ADAM22: variants seen among roughly 807,000 people sequenced by gnomAD.
ADAM22 encodes ADAM metallopeptidase domain 22.
In ADAM22, 65 loss-of-function variants were observed where a neutral mutation model predicts 144.6. The observed-to-expected ratio is 0.45, with a 90% CI of 0.37 to 0.55. ADAM22 has a LOEUF of 0.55. Ranked by LOEUF, ADAM22 falls within the 20% of genes least tolerant of loss-of-function variation. The probability of loss-of-function intolerance (pLI) is 0.00; values close to 1 mark genes in which losing one functional copy is unlikely to be tolerated. For missense variants in ADAM22, 974 were observed against 1,184.9 expected, an observed-to-expected ratio of 0.82 and a Z score of 2.61; for synonymous variants, 391 against 412.6, an observed-to-expected ratio of 0.95 and a Z score of 0.63.
chr7:88,161,901 A>T (rs1169902392), intron 22 of ADAM22, among the ~76,000 whole-genome samples: 1 of 151,994 alleles, frequency 6.6e-6, no homozygotes, highest in African/African-American at 2.4e-5. Context: ...CAGTGTGGCG[A>T]TTCTTCAAAG....
rs1441241868 is a variant in ADAM22, at chr7:88,196,856, A to AATG, written c.*365_*366insATG. On this transcript the variant is annotated 3_prime_UTR_variant, in exon 32 of 32. Coordinates refer to ENST00000413139, the MANE Select transcript of ADAM22 (RefSeq NM_001324418.2). ...GGTACAATAGTGGATTCAGAACTTGACGTTCTGAGGCACATCCTCACTGTA... is the reference window on the plus strand; with the variant it reads ...GGTACAATAGTGGATTCAGAACTTGAATGCGTTCTGAGGCACATCCTCACTGTA... 4.0e-6 allele frequency: 1 copy of AATG among 248,404 alleles called. No individual in the cohort carries two copies. The highest frequency in any genetic ancestry group is 2.2e-5 in the African/African-American group (1 of 45,762). The allele number at this position is 248,404 out of a possible 1,614,324, so 15.4% of individuals were successfully genotyped here.
intron 2 of ADAM22, among the ~76,000 whole-genome samples, chr7:87,974,151 A>G (rs1439623800): frequency 2.6e-5 from 4 of 151,260 alleles, no homozygotes; most frequent in Admixed American, 6.6e-5. Flanking sequence ...AAAATACAAA[A>G]AAATTAGCCA....
intron 3 of ADAM22, among the ~76,000 whole-genome samples, chr7:88,010,320 G>A (rs1563015711): frequency 6.6e-6 from 1 of 152,084 alleles, no homozygotes; most frequent in Non-Finnish European, 1.5e-5. Context: ...TTTTTTGCAG[G>A]TGATGGACAC....
chr7:87,991,369 T>G (rs1440079012), intron 3 of ADAM22, among the ~76,000 whole-genome samples: 1 of 143,116 alleles, frequency 7.0e-6, no homozygotes, highest in Non-Finnish European at 1.5e-5. Context: ...TTTTTTTTTT[T>G]TTTTTTTTGA....
At chr7:88,065,108 A>C (rs1163722668) in intron 3 of ADAM22, among the ~76,000 whole-genome samples, 2 of 152,164 alleles carry the variant, frequency 1.3e-5, no homozygotes, top group African/African-American at 2.4e-5. Flanking sequence ...TAATAAACCC[A>C]AAACAAAACA....
rs755721233 is a variant in ADAM22 at position 88,135,956 on chromosome 7, G to T, written c.1169-24G>T. The stretch of plus-strand genomic sequence containing the variant: ...GCAACTGTGTTCACTTTATAACAAG[G>T]CATGTGTATTAATTTTCTCTTAGGT... On this transcript the variant is annotated intron_variant, in intron 13 of 31. Transcript: ENST00000413139. 2.0e-5 allele frequency: 32 copies of T among 1,599,778 alleles called. No individual in the cohort carries two copies. The Admixed American group carries it at 5.0e-4, about 25-fold the overall frequency.
At chr7:88,164,383 A>G (rs1842479675) in intron 23 of ADAM22, among the ~76,000 whole-genome samples, 1 of 152,106 alleles carries the variant, frequency 6.6e-6, no homozygotes, top group Non-Finnish European at 1.5e-5. Context: ...ATTTACAATA[A>G]TTATGCATAA....
At chr7:88,019,858 T>A (rs1797360384) in intron 3 of ADAM22, among the ~76,000 whole-genome samples, 1 of 17,620 alleles carries the variant, frequency 5.7e-5, no homozygotes, top group Non-Finnish European at 9.4e-5. Flanking sequence ...TCAAAAAATA[T>A]GTGTGTGTGT....
chr7:88,004,420 A>T (rs886752255), intron 3 of ADAM22, among the ~76,000 whole-genome samples: 1 of 152,236 alleles, frequency 6.6e-6, no homozygotes, highest in African/African-American at 2.4e-5. Context: ...GCTTTGCCAA[A>T]TGTAACTCAA....
Position 88,031,048 on chromosome 7 carries a change from G to A in ADAM22, c.324-44578G>A, listed in dbSNP as rs576752401. ...GGAGAATGGCGTGAACCTGGGAGGC[G>A]GAGCTTGCAGTGAACCAAGATCGCG... is the stretch of plus-strand genomic sequence containing the variant. On this transcript the variant is annotated intron_variant, in intron 3 of 31. Coordinates refer to ENST00000413139, the MANE Select transcript of ADAM22 (RefSeq NM_001324418.2). Among the ~76,000 whole-genome samples the A allele has an allele frequency of 9.9e-5, 15 of 152,260 alleles. 1 individual carries two copies. The South Asian group carries it at 3.1e-3, about 32-fold the overall frequency.
At chr7:88,108,341 C>T in intron 5 of ADAM22, 83 bp downstream of exon 5, 3 of 1,060,130 alleles carry the variant, frequency 2.8e-6, no homozygotes, top group South Asian at 1.6e-5. Context: ...AGTAGATATC[C>T]CTATTTTGTG....
At position 88,092,951 on chromosome 7, in the gene ADAM22, AT is replaced by A. The variant is rs901605442; in HGVS notation, c.391-15217del. 5.1e-3 allele frequency among the ~76,000 whole-genome samples: 610 copies of A among 119,890 alleles called. 3 individuals carry two copies. The highest frequency in any genetic ancestry group is 0.015 in the African/African-American group (584 of 39,040). The allele number at this position is 119,890 out of a possible 152,430, so 78.7% of individuals were successfully genotyped here. ...TCCTTTATTTTCTTTCTGGTATAAG[AT>A]TTTTTTTCCCCCAGTTAACTATCTA... On this transcript the variant is annotated intron_variant, in intron 4 of 31. Coordinates refer to ENST00000413139, the MANE Select transcript of ADAM22 (RefSeq NM_001324418.2).
intron 5 of ADAM22, among the ~76,000 whole-genome samples, chr7:88,114,143 A>T (rs1473078069): frequency 6.6e-6 from 1 of 152,106 alleles, no homozygotes; most frequent in Non-Finnish European, 1.5e-5. Flanking sequence ...TGTTTATGGT[A>T]GGTCGGGCGT....
At chr7:88,150,269 C>T (rs1384301380) in intron 18 of ADAM22, among the ~76,000 whole-genome samples, 1 of 152,172 alleles carries the variant, frequency 6.6e-6, no homozygotes, top group Admixed American at 6.6e-5. Flanking sequence ...TTCTTTGCTG[C>T]ACTTTCATCT....
chr7:87,971,246 T>C (rs1358668613), intron 2 of ADAM22, among the ~76,000 whole-genome samples: 1 of 152,138 alleles, frequency 6.6e-6, no homozygotes, highest in African/African-American at 2.4e-5. Context: ...CTCTTTAGAG[T>C]ATTTTCATGA....
chr7:88,148,569 T>C (rs1287019872), intron 17 of ADAM22, among the ~76,000 whole-genome samples: 1 of 152,196 alleles, frequency 6.6e-6, no homozygotes, highest in Non-Finnish European at 1.5e-5. Context: ...GAAAATCTAA[T>C]TTTTGTGGTT....
In ADAM22 at chr7:88,197,306, G is replaced by A. The variant is rs1217430984; in HGVS notation, c.*815G>A. 1 of 152,202 alleles carries A rather than the reference G, an allele frequency of 6.6e-6. No homozygotes were observed. The allele number at this position is 152,202 out of a possible 1,614,324, so 9.4% of individuals were successfully genotyped here. A position where few individuals can be genotyped will look rare whatever the true frequency, so the allele number is the denominator to read the frequency against. ...CATAATTCGTATTTGTCCAAAACAT[G>A]TGATATCCCTTTAACCTGTGCACAG... On this transcript the variant is annotated 3_prime_UTR_variant, in exon 32 of 32. Transcript: ENST00000413139.
chr7:88,136,876 A>G (rs1833109291), intron 14 of ADAM22, among the ~76,000 whole-genome samples: 1 of 152,100 alleles, frequency 6.6e-6, no homozygotes, highest in African/African-American at 2.4e-5. Context: ...AAAAGTTTAA[A>G]CTAGGACAAT....
At chr7:87,995,156 G>C (rs1312203171) in intron 3 of ADAM22, among the ~76,000 whole-genome samples, 1 of 152,220 alleles carries the variant, frequency 6.6e-6, no homozygotes, top group Admixed American at 6.5e-5. Context: ...AAAGGATTTA[G>C]AGAAATAACA....
Sources: allele counts gnomAD v4.1 joint callset (sites outside exome capture counted in the v4.1 genomes callset), GRCh38; gene constraint gnomAD v4.1.1; transcripts MANE v1.5; gene names NCBI Gene and HGNC (gene_info 2026-07-23, HGNC 2026-07-21).